The following IMPG1 variants were observed in gnomAD, a reference collection of about 807,000 sequenced individuals.
The protein encoded by IMPG1 is interphotoreceptor matrix proteoglycan 1.
A neutral mutation model predicts 92.0 loss-of-function variants in IMPG1; 85 were observed. The observed-to-expected ratio is 0.92, with a 90% confidence interval of 0.78 to 1.11. The LOEUF (loss-of-function observed/expected upper bound fraction) is 1.11, where lower values mean the gene tolerates loss of function less well. Ranked by LOEUF, IMPG1 falls within the 50% of genes least tolerant of loss-of-function variation. IMPG1 has a pLI of 0.00. For synonymous variants in IMPG1, 367 were observed against 334.1 expected, an observed-to-expected ratio of 1.10 and a Z score of -1.08; for missense variants, 1,022 against 956.0, an observed-to-expected ratio of 1.07 and a Z score of -0.91.
chr6:76,069,556 G>T (rs915083195), intron 1 of IMPG1, among the ~76,000 whole-genome samples: 1 of 151,960 alleles, frequency 6.6e-6, no homozygotes, highest in Admixed American at 6.6e-5. Flanking sequence ...CTCAAGAAGT[G>T]GTCAAAGAAG....
chr6:76,034,609 G>A lies in IMPG1; in HGVS notation c.468+12C>T, dbSNP rs954932034. On this transcript the variant is annotated intron_variant, in intron 3 of 16. Transcript: ENST00000369950. ...GCAGTGTTCCAAATAACCATGTGGT[G>A]TTTAGGCTCACCTGCTGGAGAAGAT... 4 of 1,613,658 alleles carry A rather than the reference G, an allele frequency of 2.5e-6. No homozygotes were observed. In the South Asian group the frequency reaches 3.3e-5, roughly 13 times the overall value.
chr6:76,034,886 T>C (rs111903278), intron 2 of IMPG1, 99 bp from the exon 3 acceptor site: 36 of 976,668 alleles, frequency 3.7e-5, no homozygotes, highest in Non-Finnish European at 4.9e-5. Flanking sequence ...ATGGCTTATG[T>C]CGACACACTA....
intron 10 of IMPG1, 59 bp from the exon 11 acceptor site, chr6:76,004,009 A>G: frequency 7.8e-7 from 1 of 1,284,834 alleles, no homozygotes; most frequent in Non-Finnish European, 1.1e-6. Flanking sequence ...TGTGGTTGGG[A>G]CAATAAAACA....
At chr6:75,987,359 G>A (rs1365969689) in intron 12 of IMPG1, among the ~76,000 whole-genome samples, 2 of 151,110 alleles carry the variant, frequency 1.3e-5, no homozygotes, top group East Asian at 3.9e-4. Flanking sequence ...CAACGCGCAG[G>A]TTTGTTACAT....
rs907313577 is a variant in IMPG1 at position 75,922,030 on chromosome 6, T to C, written c.*59A>G. ...TGAATATGCCTGTCTCCATTTTCCTTGAGAAGGCAAATCATCTCTCTTGAG... is the reference window on the plus strand; with the variant it reads ...TGAATATGCCTGTCTCCATTTTCCTCGAGAAGGCAAATCATCTCTCTTGAG... On this transcript the variant is annotated 3_prime_UTR_variant, in exon 17 of 17. Transcript: ENST00000369950. 1.3e-6 allele frequency: 1 copy of C among 797,224 alleles called. No individual in the cohort carries two copies. 49.4% of individuals were successfully genotyped at this position (797,224 alleles called of 1,614,324 possible).
intron 15 of IMPG1, among the ~76,000 whole-genome samples, chr6:75,924,093 A>G (rs1164583354): frequency 2.0e-5 from 3 of 152,046 alleles, no homozygotes; most frequent in Non-Finnish European, 2.9e-5. Context: ...CCAAAAGATA[A>G]CAAATGTTAT....
chr6:75,970,730 A>C (rs1234842546), intron 12 of IMPG1, among the ~76,000 whole-genome samples: 1 of 152,230 alleles, frequency 6.6e-6, no homozygotes, highest in Non-Finnish European at 1.5e-5. Context: ...GCAATAATGT[A>C]ATTTTTAATA....
chr6:75,982,224 C>A (rs558382819), intron 12 of IMPG1, among the ~76,000 whole-genome samples: 1 of 151,964 alleles, frequency 6.6e-6, no homozygotes, highest in Non-Finnish European at 1.5e-5. Flanking sequence ...GTCATGTGAA[C>A]GTTAAGAAGA....
chr6:75,974,295 CTTTCT>C lies in IMPG1; in HGVS notation c.1292-23206_1292-23202del, dbSNP rs536046430. The stretch of plus-strand genomic sequence containing the variant: ...TTCTTTCTCTCTCTTCTTTCTTTCT[CTTTCT>C]TTTCTTTTCTTTCTTTCCCTCTTTC... On this transcript the variant is annotated intron_variant, in intron 12 of 16. Transcript: ENST00000369950. 3.9e-3 allele frequency among the ~76,000 whole-genome samples: 582 copies of C among 150,052 alleles called. 1 individual carries two copies. The highest frequency in any genetic ancestry group is 6.5e-3 in the Non-Finnish European group (442 of 67,712).
intron 1 of IMPG1, among the ~76,000 whole-genome samples, chr6:76,071,065 T>C (rs1460049227): frequency 1.3e-5 from 2 of 150,804 alleles, no homozygotes; most frequent in Non-Finnish European, 3.0e-5. Flanking sequence ...GTTTTCTTGA[T>C]AAGCTTATTT....
intron 12 of IMPG1, among the ~76,000 whole-genome samples, chr6:75,993,170 T>C (rs1033052182): frequency 6.6e-6 from 1 of 152,164 alleles, no homozygotes; most frequent in Non-Finnish European, 1.5e-5. Context: ...TTAACAACTA[T>C]TAGTTGTTAA....
chr6:75,957,183 G>C (rs891534095), intron 12 of IMPG1, among the ~76,000 whole-genome samples: 2 of 152,184 alleles, frequency 1.3e-5, no homozygotes, highest in Non-Finnish European at 2.9e-5. Context: ...TTCCCAAAGT[G>C]CTGGGATTAC....
chr6:75,966,670 G>A (rs187136384), intron 12 of IMPG1, among the ~76,000 whole-genome samples: 21 of 152,258 alleles, frequency 1.4e-4, no homozygotes, highest in African/African-American at 4.8e-4. Context: ...AAGACAGCCA[G>A]GTCAATACTG....
intron 12 of IMPG1, among the ~76,000 whole-genome samples, chr6:75,984,361 A>G (rs1448409133): frequency 6.6e-6 from 1 of 152,238 alleles, no homozygotes; most frequent in African/African-American, 2.4e-5. Flanking sequence ...AATTGTCCAC[A>G]CAATGAAAAG....
At chr6:76,055,566 GTGA>G (rs1481971830) in intron 1 of IMPG1, among the ~76,000 whole-genome samples, 1 of 151,462 alleles carries the variant, frequency 6.6e-6, no homozygotes, top group African/African-American at 2.4e-5. Context: ...GTAATAAAAT[GTGA>G]AAGAGATCAT....
intron 12 of IMPG1, among the ~76,000 whole-genome samples, chr6:75,998,274 T>C (rs965559396): frequency 6.6e-6 from 1 of 152,228 alleles, no homozygotes; most frequent in Non-Finnish European, 1.5e-5. Flanking sequence ...TGTAATTCCT[T>C]TAACATGTAT....
intron 12 of IMPG1, among the ~76,000 whole-genome samples, chr6:75,965,015 T>C (rs1292710125): frequency 2.0e-5 from 3 of 152,196 alleles, no homozygotes; most frequent in East Asian, 3.8e-4. Flanking sequence ...TTCATCCAAA[T>C]TGTGTGTATC....
chr6:76,039,156 G>T (rs1209363350), intron 2 of IMPG1, among the ~76,000 whole-genome samples: 2 of 152,190 alleles, frequency 1.3e-5, no homozygotes. Context: ...AAGTACAAAT[G>T]AATTTTACCT....
intron 1 of IMPG1, among the ~76,000 whole-genome samples, chr6:76,070,130 A>T (rs561165811): frequency 3.0e-4 from 45 of 152,300 alleles, no homozygotes; most frequent in African/African-American, 9.4e-4. Context: ...CCCTGTATTT[A>T]AAATAGAAGG....
Sources: gnomAD v4.1 joint callset for allele counts (sites outside exome capture counted in the v4.1 genomes callset) on GRCh38, gnomAD v4.1.1 for gene constraint, MANE v1.5 for transcripts, NCBI Gene and HGNC (gene_info 2026-07-23, HGNC 2026-07-21) for gene names.